Variants in ADAM2 observed in about 807,000 individuals in gnomAD.
The protein encoded by ADAM2 is disintegrin and metalloproteinase domain-containing protein 2.
In ADAM2, 101 loss-of-function variants were observed where a neutral mutation model predicts 99.3. The observed-to-expected ratio is 1.02, with a 90% CI of 0.87 to 1.20. The LOEUF (loss-of-function observed/expected upper bound fraction) is 1.20. Ranked by LOEUF, ADAM2 falls within the 50% of genes most tolerant of loss-of-function variation. ADAM2 has a pLI of 0.00. For missense variants in ADAM2, 948 were observed against 878.7 expected (o/e 1.08, Z -1.00); for synonymous variants, 323 against 287.6 (o/e 1.12, Z -1.25).
chr8:39,819,847 A>G (rs868005411), intron 6 of ADAM2, among the ~76,000 whole-genome samples: 2 of 115,172 alleles, frequency 1.7e-5, no homozygotes, highest in Middle Eastern at 8.3e-3. Flanking sequence ...AAACACACAC[A>G]TATATATCTC....
At chr8:39,819,626 G>A (rs1056219472) in intron 6 of ADAM2, among the ~76,000 whole-genome samples, 5 of 152,184 alleles carry the variant, frequency 3.3e-5, no homozygotes, top group African/African-American at 4.8e-5. Context: ...AGTTAAAGCC[G>A]TTTTTAGAAA....
chr8:39,806,581 T>C (rs1476170010), intron 7 of ADAM2, among the ~76,000 whole-genome samples: 2 of 150,932 alleles, frequency 1.3e-5, no homozygotes, highest in African/African-American at 4.8e-5. Flanking sequence ...AGTGTTTTAT[T>C]AGAGGTAAAA....
intron 7 of ADAM2, among the ~76,000 whole-genome samples, chr8:39,801,922 G>T (rs1034582249): frequency 6.6e-6 from 1 of 152,030 alleles, no homozygotes; most frequent in African/African-American, 2.4e-5. Context: ...CCCTTCCCCC[G>T]CCCAGGGAGC....
intron 6 of ADAM2, among the ~76,000 whole-genome samples, chr8:39,816,115 G>A (rs1775735111): frequency 6.6e-6 from 1 of 152,036 alleles, no homozygotes; most frequent in Admixed American, 6.6e-5. Context: ...GGCCAACATG[G>A]TGAAACCCCA....
intron 12 of ADAM2, among the ~76,000 whole-genome samples, chr8:39,768,160 A>T (rs994772635): frequency 6.6e-6 from 1 of 152,188 alleles, no homozygotes; most frequent in Admixed American, 6.5e-5. Flanking sequence ...AGCCTCAATT[A>T]TATAACATTT....
At chr8:39,810,784 A>G (rs1038560935) in intron 6 of ADAM2, among the ~76,000 whole-genome samples, 1 of 152,218 alleles carries the variant, frequency 6.6e-6, no homozygotes, top group Non-Finnish European at 1.5e-5. Context: ...CATTTAAAGC[A>G]GTGTGTAGAG....
At chr8:39,810,086 A>G (rs1804629416) in intron 6 of ADAM2, among the ~76,000 whole-genome samples, 1 of 152,208 alleles carries the variant, frequency 6.6e-6, no homozygotes, top group Non-Finnish European at 1.5e-5. Flanking sequence ...GGGATGTAGG[A>G]AGACCTACCA....
chr8:39,755,210 T>C (rs1802101036), intron 16 of ADAM2, among the ~76,000 whole-genome samples: 1 of 152,212 alleles, frequency 6.6e-6, no homozygotes, highest in South Asian at 2.1e-4. Flanking sequence ...ATTCAGTGAA[T>C]ACACATAATT....
intron 7 of ADAM2, among the ~76,000 whole-genome samples, chr8:39,791,339 G>A (rs1440833039): frequency 6.6e-6 from 1 of 152,008 alleles, no homozygotes; most frequent in African/African-American, 2.4e-5. Context: ...TTGCACTATT[G>A]CTGTTTCCTC....
intron 11 of ADAM2, among the ~76,000 whole-genome samples, chr8:39,772,953 A>G (rs1802840274): frequency 6.6e-6 from 1 of 151,906 alleles, no homozygotes; most frequent in African/African-American, 2.4e-5. Context: ...CAGAAAAATA[A>G]CACCTCAACA....
intron 16 of ADAM2, among the ~76,000 whole-genome samples, chr8:39,753,959 A>T (rs1235932115): frequency 6.6e-6 from 1 of 152,156 alleles, no homozygotes; most frequent in Non-Finnish European, 1.5e-5. Flanking sequence ...TTACTAATTA[A>T]TTTAGTATTA....
intron 3 of ADAM2, 60 bp downstream of exon 3, chr8:39,833,884 T>A: frequency 1.1e-6 from 1 of 950,412 alleles, no homozygotes. Context: ...TTCTGGACAA[T>A]TTCAAGCAAA....
chr8:39,798,181 T>C (rs1338239397), intron 7 of ADAM2, among the ~76,000 whole-genome samples: 4 of 152,244 alleles, frequency 2.6e-5, no homozygotes, highest in African/African-American at 4.8e-5. Flanking sequence ...GGGTTTGTCA[T>C]AAATAGCTCT....
intron 1 of ADAM2, 87 bp downstream of exon 1, chr8:39,838,044 C>T: frequency 6.9e-7 from 1 of 1,441,044 alleles, no homozygotes; most frequent in Non-Finnish European, 9.8e-7. Context: ...GGAAAGCATC[C>T]TCCCAGGGAT....
chr8:39,749,719 C>T lies in ADAM2; in HGVS notation c.1823G>A (p.Ser608Asn), dbSNP rs1823642449. 6.2e-7 allele frequency: 1 copy of T among 1,612,232 alleles called. No individual in the cohort carries two copies. Among genetic ancestry groups the T allele is most frequent in the South Asian group, 1.1e-5 (1 of 90,918 alleles). Residue 608 changes from serine (S) to asparagine (N), a missense_variant, in exon 17 of 21, where the codon AGT becomes AAT. Ser to Asn is a conservative substitution (Grantham distance 46). Coordinates refer to ENST00000265708, the MANE Select transcript of ADAM2 (RefSeq NM_001464.5). ...ACAATCATAACCCAAGTATGAAGAA[C>T]TCACACATCTTTGATTCCTGCAAAC... ...NKVCRNQRCV[S>N]SSYLGYDCTT...
chr8:39,749,583 G>A (rs76975437), intron 17 of ADAM2, 84 bp downstream of exon 17: 1 of 979,170 alleles, frequency 1.0e-6, no homozygotes, highest in South Asian at 1.8e-5. Flanking sequence ...GTGTGTGTGT[G>A]TGCGTGTGTG....
At chr8:39,796,852 G>A (rs1016351480) in intron 7 of ADAM2, among the ~76,000 whole-genome samples, 15 of 152,100 alleles carry the variant, frequency 9.9e-5, no homozygotes, top group Non-Finnish European at 1.9e-4. Context: ...CTTTTGAGAA[G>A]TGTCTGTTCA....
chr8:39,811,095 ATAAAGGGGATATCACCACCAATCC>A (rs1804674436), intron 6 of ADAM2, among the ~76,000 whole-genome samples: 1 of 152,212 alleles, frequency 6.6e-6, no homozygotes, highest in African/African-American at 2.4e-5. Flanking sequence ...ATAAAAAATG[ATAAAGGGGATATCACCACCAATCC>A]CACAGAAATA....
chr8:39,788,303 TTAGA>T lies in ADAM2; in HGVS notation c.643-56_643-53del, dbSNP rs1324705195. On this transcript the variant is annotated intron_variant, in intron 8 of 20. Coordinates refer to ENST00000265708, the MANE Select transcript of ADAM2 (RefSeq NM_001464.5). The stretch of plus-strand genomic sequence containing the variant: ...GCTCAAAAGTCACAGTTTTTAAAAA[TTAGA>T]TATATATGTTTGAAAACAAATTTAT... 5 of 1,193,734 alleles carry T rather than the reference TTAGA, an allele frequency of 4.2e-6. No individual in the cohort carries two copies. The South Asian group carries it at 5.7e-5, about 14-fold the overall frequency. 73.9% of individuals were successfully genotyped at this position (1,193,734 alleles called of 1,614,324 possible).
Sources: gnomAD v4.1 joint callset for allele counts (sites outside exome capture counted in the v4.1 genomes callset) on GRCh38, gnomAD v4.1.1 for gene constraint, MANE v1.5 for transcripts, NCBI Gene and HGNC (gene_info 2026-07-23, HGNC 2026-07-21) for gene names.